Variants in CMSS1 observed in about 807,000 individuals in gnomAD.
CMSS1 encodes the protein protein CMSS1.
In CMSS1, 33 loss-of-function variants were observed where a neutral mutation model predicts 43.5. The observed-to-expected ratio is 0.76, with a 90% CI of 0.57 to 1.01. The LOEUF is 1.01. Among genes scored for constraint, CMSS1 ranks in the 50% least tolerant of loss-of-function variants. The probability of loss-of-function intolerance (pLI) is 0.00; values close to 1 mark genes in which losing one functional copy is unlikely to be tolerated. For synonymous variants in CMSS1, 115 were observed against 117.2 expected (o/e 0.98, Z 0.12); for missense variants, 313 against 326.4 (o/e 0.96, Z 0.32).
chr3:100,153,358 C>T (rs1180808551), intron 2 of CMSS1, among the ~76,000 whole-genome samples: 1 of 152,206 alleles, frequency 6.6e-6, no homozygotes, highest in Non-Finnish European at 1.5e-5. Flanking sequence ...TTAGATTCCT[C>T]CATGTCAGTG....
intron 1 of CMSS1, among the ~76,000 whole-genome samples, chr3:99,973,896 T>C (rs1028807683): frequency 2.6e-5 from 4 of 152,184 alleles, no homozygotes; most frequent in African/African-American, 7.2e-5. Flanking sequence ...ATAGACAATA[T>C]ATAATTGATA....
At chr3:100,043,947 TC>T (rs1287861903) in intron 1 of CMSS1, among the ~76,000 whole-genome samples, 4 of 152,234 alleles carry the variant, frequency 2.6e-5, no homozygotes, top group African/African-American at 9.6e-5. Flanking sequence ...TACTTGTCTT[TC>T]TGTGCCTAGC....
chr3:99,953,534 A>G (rs2107691728), intron 1 of CMSS1, among the ~76,000 whole-genome samples: 1 of 152,222 alleles, frequency 6.6e-6, no homozygotes, highest in East Asian at 1.9e-4. Context: ...GCCACGTTGG[A>G]CCATTTTACC....
At chr3:100,057,970 C>T (rs563920066) in intron 1 of CMSS1, among the ~76,000 whole-genome samples, 5 of 152,174 alleles carry the variant, frequency 3.3e-5, no homozygotes, top group Non-Finnish European at 5.9e-5. Context: ...ATGAAAATAG[C>T]TAGTTATTAG....
chr3:100,048,875 T>C (rs1270418588), intron 1 of CMSS1, among the ~76,000 whole-genome samples: 2 of 152,222 alleles, frequency 1.3e-5, no homozygotes, highest in African/African-American at 4.8e-5. Context: ...AAGGTTGATA[T>C]GATGGCCTAG....
intron 2 of CMSS1, among the ~76,000 whole-genome samples, chr3:100,153,859 C>CT (rs903244229): frequency 4.5e-5 from 6 of 134,056 alleles, no homozygotes; most frequent in Admixed American, 7.4e-5. Context: ...TTTTTTTTTT[C>CT]TTTTTTTTTA....
At chr3:100,168,632 A>G (rs1254390630) in intron 6 of CMSS1, among the ~76,000 whole-genome samples, 2 of 152,142 alleles carry the variant, frequency 1.3e-5, no homozygotes, top group South Asian at 4.1e-4. Context: ...TCAAAAATGT[A>G]TACCATATTC....
intron 1 of CMSS1, among the ~76,000 whole-genome samples, chr3:100,093,872 A>G (rs962079041): frequency 6.6e-6 from 1 of 152,208 alleles, no homozygotes; most frequent in Non-Finnish European, 1.5e-5. Context: ...TATCTAGGAC[A>G]TCTGAGTTTT....
intron 1 of CMSS1, among the ~76,000 whole-genome samples, chr3:99,991,115 T>TC (rs1407567933): frequency 6.6e-6 from 1 of 151,950 alleles, no homozygotes; most frequent in Non-Finnish European, 1.5e-5. Flanking sequence ...TCTTCCCATC[T>TC]CCCCCCATAA....
At chr3:99,953,079 A>G (rs947936664) in intron 1 of CMSS1, among the ~76,000 whole-genome samples, 1 of 152,194 alleles carries the variant, frequency 6.6e-6, no homozygotes, top group African/African-American at 2.4e-5. Context: ...CTTGATAAAA[A>G]TATATTTTAA....
chr3:99,848,088 T>C (rs1035253867), intron 1 of CMSS1: 6 of 1,374,016 alleles, frequency 4.4e-6, no homozygotes, highest in Non-Finnish European at 4.7e-6. Context: ...TGAAAAGATA[T>C]ACAGTAAGTG....
intron 1 of CMSS1, among the ~76,000 whole-genome samples, chr3:100,133,536 T>TA (rs752473678): frequency 6.6e-6 from 1 of 152,086 alleles, no homozygotes; most frequent in Non-Finnish European, 1.5e-5. Flanking sequence ...AGGAAAAGGG[T>TA]AAAAAAAGGT....
At chr3:100,067,445 A>G (rs1021341) in intron 1 of CMSS1, among the ~76,000 whole-genome samples, 32,106 of 152,094 alleles carry the variant, frequency 0.21, 3,526 homozygotes, top group South Asian at 0.26. Flanking sequence ...CCCTGGCTCC[A>G]ATTATTCCCA....
intron 1 of CMSS1, among the ~76,000 whole-genome samples, chr3:99,835,283 T>A (rs62283525): frequency 5.8e-4 from 89 of 152,340 alleles, no homozygotes; most frequent in Non-Finnish European, 1.1e-3. Flanking sequence ...CTTTGTCTGG[T>A]CCTTGTGAAT....
intron 1 of CMSS1, among the ~76,000 whole-genome samples, chr3:100,060,993 T>A (rs1215265499): frequency 6.6e-6 from 1 of 152,206 alleles, no homozygotes; most frequent in Non-Finnish European, 1.5e-5. Flanking sequence ...GGTGATGAGT[T>A]GCAGCATAGC....
chr3:100,074,374 T>C (rs1290146743), intron 1 of CMSS1, among the ~76,000 whole-genome samples: 1 of 152,154 alleles, frequency 6.6e-6, no homozygotes, highest in African/African-American at 2.4e-5. Context: ...AATCAGAGGC[T>C]TTCTTCCCTT....
At chr3:99,819,849 G>T (rs1009068019) in intron 1 of CMSS1, among the ~76,000 whole-genome samples, 1 of 151,600 alleles carries the variant, frequency 6.6e-6, no homozygotes, top group Admixed American at 6.6e-5. Context: ...CTGCCTCCTG[G>T]GTTCAAGCGA....
At chr3:99,840,746 T>G (rs1198998483) in intron 1 of CMSS1, among the ~76,000 whole-genome samples, 1 of 152,232 alleles carries the variant, frequency 6.6e-6, no homozygotes, top group African/African-American at 2.4e-5. Flanking sequence ...ATCTTAAAGA[T>G]CACCAAGTTC....
At chr3:99,824,470 C>G (rs1237234604) in intron 1 of CMSS1, among the ~76,000 whole-genome samples, 1 of 152,160 alleles carries the variant, frequency 6.6e-6, no homozygotes, top group East Asian at 1.9e-4. Context: ...TTTTGTTTGT[C>G]TTGTTTGCTT....
Sources: gnomAD v4.1 joint callset for allele counts (sites outside exome capture counted in the v4.1 genomes callset) on GRCh38, gnomAD v4.1.1 for gene constraint, MANE v1.5 for transcripts, NCBI Gene and HGNC (gene_info 2026-07-23, HGNC 2026-07-21) for gene names.